The following IFNLR1 variants were observed in gnomAD, a reference collection of about 807,000 sequenced individuals.
IFNLR1 encodes the protein interferon lambda receptor 1.
IFNLR1 carries 28 observed loss-of-function variants against 52.5 expected under a neutral mutation model. That is an observed-to-expected ratio of 0.53 (90% CI 0.40 to 0.73). The LOEUF is 0.73. Ranked by LOEUF, IFNLR1 falls within the 30% of genes least tolerant of loss-of-function variation. The pLI is 0.00. For missense variants in IFNLR1, 623 were observed against 659.1 expected (o/e 0.95, Z 0.60); for synonymous variants, 276 against 274.9 (o/e 1.00, Z -0.04).
At chr1:24,163,063 C>T (rs753069412) in intron 3 of IFNLR1, among the ~76,000 whole-genome samples, 18 of 147,740 alleles carry the variant, frequency 1.2e-4, no homozygotes, top group Non-Finnish European at 1.8e-4. Context: ...CGGATTCATG[C>T]GATCCTCCTG....
chr1:24,171,961 C>T (rs1341459338), intron 2 of IFNLR1, among the ~76,000 whole-genome samples: 1 of 151,962 alleles, frequency 6.6e-6, no homozygotes, highest in African/African-American at 2.4e-5. Flanking sequence ...CACTCCTGGC[C>T]CAGCTAATTT....
chr1:24,162,723 CTTT>C (rs139240519), intron 3 of IFNLR1, among the ~76,000 whole-genome samples: 1 of 110,572 alleles, frequency 9.0e-6, no homozygotes, highest in Non-Finnish European at 1.9e-5. Context: ...TTCTTTCTTT[CTTT>C]TCTTTCTTTC....
intron 2 of IFNLR1, among the ~76,000 whole-genome samples, chr1:24,179,096 T>C (rs1218642098): frequency 6.6e-6 from 1 of 151,534 alleles, no homozygotes; most frequent in Non-Finnish European, 1.5e-5. Flanking sequence ...CACATGCTAC[T>C]ACACTTCACT....
chr1:24,185,746 A>C (rs1343222667), intron 1 of IFNLR1, among the ~76,000 whole-genome samples: 2 of 152,236 alleles, frequency 1.3e-5, no homozygotes, highest in Non-Finnish European at 2.9e-5. Context: ...CAGTCCCCAG[A>C]TTCGAGCTAG....
chr1:24,155,526 G>A lies in IFNLR1; in HGVS notation c.*1604C>T, dbSNP rs1206199296. ...GGAAAGCCACAGTGTGTGAATCAGG[G>A]CACAGTGAGGCTGCTCTGGTGAAAG... On this transcript the variant is annotated 3_prime_UTR_variant, in exon 7 of 7. Transcript: ENST00000327535. The A allele has an allele frequency of 6.6e-6, 1 of 152,220 alleles. No individual in the cohort carries two copies. The highest frequency in any genetic ancestry group is 2.1e-4 in the South Asian group (1 of 4,832). 9.4% of individuals were successfully genotyped at this position (152,220 alleles called of 1,614,324 possible).
chr1:24,157,171 CG>C lies in IFNLR1; in HGVS notation c.1521del (p.Glu508ArgfsTer67). 6.2e-7 allele frequency: 1 copy of C among 1,613,898 alleles called. No individual in the cohort carries two copies. Among genetic ancestry groups the C allele is most frequent in the Non-Finnish European group, 8.5e-7 (1 of 1,179,948 alleles). On this transcript the variant is annotated frameshift_variant, in exon 7 of 7. Coordinates refer to ENST00000327535, the MANE Select transcript of IFNLR1 (RefSeq NM_170743.4). LOFTEE classifies it high-confidence loss of function. This position sits in a 1 kb window ranked among gnomAD's most constrained non-coding sequence, Gnocchi z 5.1. The part of the protein sequence containing the change: ...GSWGAESTQR[T>X]EDRGRTLGHY... The stretch of plus-strand genomic sequence containing the variant: ...TGCCCCAATGTCCGGCCCCTGTCCT[CG>C]GTCCTCTGGGTGCTCTCAGCCCCCC...
intron 3 of IFNLR1, 102 bp from the exon 4 acceptor site, chr1:24,161,786 T>C: frequency 1.7e-6 from 2 of 1,178,452 alleles, no homozygotes; most frequent in East Asian, 2.6e-5. Flanking sequence ...GCAACTAGCA[T>C]GTTTCAAACA....
chr1:24,185,905 A>G (rs746298744), intron 1 of IFNLR1, among the ~76,000 whole-genome samples: 9 of 152,178 alleles, frequency 5.9e-5, no homozygotes, highest in Admixed American at 3.3e-4. Context: ...TTCTGCTTCC[A>G]TGGAAAGGGC....
chr1:24,159,363 T>C, intron 5 of IFNLR1, 111 bp downstream of exon 5: 2 of 1,270,400 alleles, frequency 1.6e-6, no homozygotes, highest in African/African-American at 1.5e-5. Flanking sequence ...ACAATGAGTG[T>C]GGTTTTAATC....
chr1:24,186,065 G>C (rs1233794321), intron 1 of IFNLR1, among the ~76,000 whole-genome samples: 1 of 152,188 alleles, frequency 6.6e-6, no homozygotes, highest in Non-Finnish European at 1.5e-5. Context: ...CTTATCAGGT[G>C]AAAGTACAAG....
In IFNLR1 at chr1:24,180,810, G is replaced by A; in HGVS notation, c.103C>T (p.Gln35Ter). Reference sequence around the variant, plus strand: ...CATGTCAGGTACACGCTGAAGTTCTGGGAGAGCAGCGTCACATTCTGGGGA... The same window carrying A: ...CATGTCAGGTACACGCTGAAGTTCTAGGAGAGCAGCGTCACATTCTGGGGA... ...APPQNVTLLS[Q>*]NFSVYLTWLP... The change falls in exon 2 of 7, where the codon CAG becomes TAG. Residue 35 changes from glutamine to a stop codon, truncating the protein, a stop_gained. Coordinates refer to ENST00000327535, the MANE Select transcript of IFNLR1 (RefSeq NM_170743.4). LOFTEE classifies it high-confidence loss of function. The A allele has an allele frequency of 6.2e-7, 1 of 1,613,868 alleles. No individual in the cohort carries two copies. Among genetic ancestry groups the A allele is most frequent in the Non-Finnish European group, 8.5e-7 (1 of 1,179,826 alleles).
chr1:24,178,054 G>C (rs1041614957), intron 2 of IFNLR1, among the ~76,000 whole-genome samples: 19 of 152,124 alleles, frequency 1.2e-4, no homozygotes, highest in African/African-American at 4.6e-4. Flanking sequence ...GGAGGCCGAG[G>C]GGGGCAGATC....
chr1:24,159,341 G>T, intron 5 of IFNLR1, 133 bp downstream of exon 5: 1 of 1,233,792 alleles, frequency 8.1e-7, no homozygotes, highest in Non-Finnish European at 1.2e-6. Context: ...TATGTAAGCT[G>T]CCCAAAGACA....
At chr1:24,180,682 A>AGCTTTCCCCCCC in intron 2 of IFNLR1, 49 bp downstream of exon 2, 1 of 273,580 alleles carries the variant, frequency 3.7e-6, no homozygotes, top group Non-Finnish European at 6.7e-6. Context: ...TCCAGCCCCC[A>AGCTTTCCCCCCC]CCCACCCCCT....
At chr1:24,173,725 T>C (rs1644604337) in intron 2 of IFNLR1, among the ~76,000 whole-genome samples, 2 of 150,584 alleles carry the variant, frequency 1.3e-5, no homozygotes, top group Admixed American at 6.6e-5. Flanking sequence ...CATAGTTCAC[T>C]GCAGTCTAAA....
At chr1:24,180,672 T>TACCCCC in intron 2 of IFNLR1, 59 bp downstream of exon 2, 3 of 432,142 alleles carry the variant, frequency 6.9e-6, no homozygotes, top group Non-Finnish European at 4.4e-6. Flanking sequence ...GAGAAGCCCC[T>TACCCCC]CCAGCCCCCA....
chr1:24,187,194 G>T lies in IFNLR1; in HGVS notation c.55C>A (p.Pro19Thr). ...TCCCGCGGCCCCGCGCCCTTACCTGGAGCGGCCTGCAGCAGGCACAGGAGC... is the reference window on the plus strand; with the variant it reads ...TCCCGCGGCCCCGCGCCCTTACCTGTAGCGGCCTGCAGCAGGCACAGGAGC... The part of the protein sequence containing the change: ...PLLLCLLQAA[P>T]GRPRLAPPQN... Residue 19 changes from proline to threonine, a missense_variant, in exon 1 of 7, where the codon CCA becomes ACA. Pro to Thr is a conservative substitution (Grantham distance 38). Transcript: ENST00000327535. The T allele has an allele frequency of 7.4e-7, 1 of 1,354,936 alleles. No homozygotes were observed. The highest frequency in any genetic ancestry group is 1.7e-5 in the South Asian group (1 of 57,592). The allele number at this position is 1,354,936 out of a possible 1,614,324, so 83.9% of individuals were successfully genotyped here. A position where few individuals can be genotyped will look rare whatever the true frequency, so the allele number is the denominator to read the frequency against.
At position 24,159,087 on chromosome 1, in the gene IFNLR1, G is replaced by A. The variant is rs201300613; in HGVS notation, c.766C>T (p.Pro256Ser). The A allele has an allele frequency of 8.7e-6, 14 of 1,613,948 alleles. No homozygotes were observed. Among genetic ancestry groups the A allele is most frequent in the Non-Finnish European group, 1.2e-5 (14 of 1,180,016 alleles). Residue 256 changes from proline (P) to serine (S), a missense_variant, in exon 6 of 7, where the codon CCC (proline) becomes TCC (serine). Physicochemically the swap from Pro to Ser is moderately conservative, Grantham distance 74. Transcript: ENST00000327535. Reference sequence around the variant, plus strand: ...GGCATCTTTGCCCGCTGAAACCAGGGGTTCCCCATGAGGGTCTTCCAGATC... The same window carrying A: ...GGCATCTTTGCCCGCTGAAACCAGGAGTTCCCCATGAGGGTCTTCCAGATC... ...GVIWKTLMGN[P>S]WFQRAKMPRA...
intron 2 of IFNLR1, among the ~76,000 whole-genome samples, chr1:24,170,700 G>A (rs1371141028): frequency 6.6e-6 from 1 of 152,198 alleles, no homozygotes; most frequent in Non-Finnish European, 1.5e-5. Context: ...CCAGCAAGGA[G>A]GCCATGGTAG....
Sources: allele counts gnomAD v4.1 joint callset (sites outside exome capture counted in the v4.1 genomes callset), GRCh38; gene constraint gnomAD v4.1.1; non-coding constraint Gnocchi (gnomAD v3.1); transcripts MANE v1.5; gene names NCBI Gene and HGNC (gene_info 2026-07-23, HGNC 2026-07-21).